ADCY8: variants seen among roughly 807,000 people sequenced by gnomAD.
ADCY8 encodes adenylate cyclase type 8.
A neutral mutation model predicts 119.7 loss-of-function variants in ADCY8; 51 were observed. The ratio of observed to expected loss-of-function variants is 0.43; its 90% CI spans 0.34 to 0.54. ADCY8 has a LOEUF of 0.54. Among genes scored for constraint, ADCY8 ranks in the 20% least tolerant of loss-of-function variants. The probability of loss-of-function intolerance (pLI) is 0.03; values close to 1 mark genes in which losing one functional copy is unlikely to be tolerated. For synonymous variants in ADCY8, 665 were observed against 651.0 expected, an observed-to-expected ratio of 1.02 and a Z score of -0.33; for missense variants, 1,383 against 1,598.8, an observed-to-expected ratio of 0.87 and a Z score of 2.30.
chr8:130,837,569 A>C (rs1416881201), intron 11 of ADCY8, among the ~76,000 whole-genome samples: 3 of 152,218 alleles, frequency 2.0e-5, no homozygotes, highest in Non-Finnish European at 4.4e-5. Flanking sequence ...CAAGAGCTGG[A>C]ATATTAGAGT....
intron 5 of ADCY8, among the ~76,000 whole-genome samples, chr8:130,911,658 T>G (rs983310131): frequency 5.7e-4 from 87 of 151,362 alleles, no homozygotes; most frequent in African/African-American, 2.0e-3. Context: ...AATTGGATAC[T>G]GTAAATTAAA....
intron 8 of ADCY8, among the ~76,000 whole-genome samples, chr8:130,878,237 G>A (rs1051366103): frequency 6.6e-6 from 1 of 152,090 alleles, no homozygotes; most frequent in South Asian, 2.1e-4. Context: ...ACTGGTGAGC[G>A]AAATGAGGAT....
chr8:130,800,588 C>T lies in ADCY8; in HGVS notation c.2914-16G>A, dbSNP rs1378431587. The T allele has an allele frequency of 6.2e-7, 1 of 1,613,190 alleles. No individual in the cohort carries two copies. Among genetic ancestry groups the T allele is most frequent in the Non-Finnish European group, 8.5e-7 (1 of 1,179,240 alleles). On this transcript the variant is annotated splice_polypyrimidine_tract_variant and intron_variant, in intron 14 of 17. Coordinates refer to ENST00000286355, the MANE Select transcript of ADCY8 (RefSeq NM_001115.3). ...AATACAGCTCCTGGACAGAGACACA[C>T]AGAGGGCACCAGAAATGGTCATCAG...
intron 15 of ADCY8, among the ~76,000 whole-genome samples, chr8:130,790,210 G>A (rs1815382572): frequency 6.6e-6 from 1 of 152,074 alleles, no homozygotes; most frequent in Non-Finnish European, 1.5e-5. Flanking sequence ...CGGTTCTGTG[G>A]TGTCTTCTAC....
rs1161136558 is a variant in ADCY8 at position 130,992,382 on chromosome 8, CATATATATATATATATATATATAT to C, written c.961-1864_961-1841del. Among the ~76,000 whole-genome samples, 170 of 77,692 alleles carry C rather than the reference CATATATATATATATATATATATAT, an allele frequency of 2.2e-3. 1 individual carries two copies. The highest frequency in any genetic ancestry group is 6.0e-3 in the African/African-American group (112 of 18,534). 51.0% of individuals were successfully genotyped at this position (77,692 alleles called of 152,430 possible). A position where few individuals can be genotyped will look rare whatever the true frequency, so the allele number is the denominator to read the frequency against. On this transcript the variant is annotated intron_variant, in intron 1 of 17. Transcript: ENST00000286355. ...TACATACATGAGCAACTGTATCTGG[CATATATATATATATATATATATAT>C]ATATATATATATATATATATATATT... is the stretch of plus-strand genomic sequence containing the variant.
At position 130,875,681 on chromosome 8, in the gene ADCY8, T is replaced by C. The variant is rs538876223; in HGVS notation, c.2110-7735A>G. Among the ~76,000 whole-genome samples, 3 of 152,350 alleles carry C rather than the reference T, an allele frequency of 2.0e-5. No individual in the cohort carries two copies. In the East Asian group the frequency reaches 5.8e-4, roughly 29 times the overall value. Reference sequence around the variant, plus strand: ...TCATTACAACTCCAATAAAAGTTGATGGGATGAAGTAAGAAACATTTTAGA... The same window carrying C: ...TCATTACAACTCCAATAAAAGTTGACGGGATGAAGTAAGAAACATTTTAGA... On this transcript the variant is annotated intron_variant, in intron 8 of 17. Transcript: ENST00000286355.
chr8:130,824,323 A>G (rs1355269875), intron 12 of ADCY8, among the ~76,000 whole-genome samples: 1 of 152,172 alleles, frequency 6.6e-6, no homozygotes, highest in Non-Finnish European at 1.5e-5. Flanking sequence ...TGTCATATCA[A>G]CAATCAAGAT....
At chr8:130,799,124 A>G (rs1486471363) in intron 15 of ADCY8, among the ~76,000 whole-genome samples, 3 of 152,032 alleles carry the variant, frequency 2.0e-5, no homozygotes, top group Admixed American at 2.0e-4. Flanking sequence ...GGTTTTCAGA[A>G]CCTGGGGGGT....
At chr8:130,832,521 G>A (rs1156302221) in intron 12 of ADCY8, among the ~76,000 whole-genome samples, 2 of 152,046 alleles carry the variant, frequency 1.3e-5, no homozygotes, top group Non-Finnish European at 1.5e-5. Context: ...AGTGACTATC[G>A]ACCTGTAGAT....
At chr8:131,025,372 G>A (rs572621757) in intron 1 of ADCY8, among the ~76,000 whole-genome samples, 5 of 152,178 alleles carry the variant, frequency 3.3e-5, no homozygotes, top group South Asian at 2.1e-4. Context: ...ATGAAATCTC[G>A]TATTCATCAT....
intron 1 of ADCY8, among the ~76,000 whole-genome samples, chr8:130,994,095 T>C (rs1248459697): frequency 1.3e-5 from 2 of 152,238 alleles, no homozygotes; most frequent in Non-Finnish European, 2.9e-5. Context: ...TTGATCAACT[T>C]TCATTGTTCA....
At chr8:130,956,840 G>A (rs756062276) in intron 2 of ADCY8, among the ~76,000 whole-genome samples, 1 of 152,140 alleles carries the variant, frequency 6.6e-6, no homozygotes, top group Non-Finnish European at 1.5e-5. Context: ...TTTGCCTGCT[G>A]CCATTCATGT....
intron 8 of ADCY8, among the ~76,000 whole-genome samples, chr8:130,869,546 C>G (rs1160012019): frequency 7.5e-6 from 1 of 133,166 alleles, no homozygotes; most frequent in Non-Finnish European, 1.5e-5. Context: ...GAGACAGAGT[C>G]TCGCTCTGTC....
chr8:130,868,506 C>A (rs1818210502), intron 8 of ADCY8, among the ~76,000 whole-genome samples: 1 of 152,202 alleles, frequency 6.6e-6, no homozygotes, highest in African/African-American at 2.4e-5. Flanking sequence ...CTGCTCAAGG[C>A]AGCCCTGGGG....
chr8:130,997,620 A>G (rs2130755726), intron 1 of ADCY8, among the ~76,000 whole-genome samples: 1 of 152,338 alleles, frequency 6.6e-6, no homozygotes, highest in Non-Finnish European at 1.5e-5. Flanking sequence ...ATTGGCCAGT[A>G]ACTGACCTCA....
chr8:130,901,083 A>T (rs1819583636), intron 7 of ADCY8, among the ~76,000 whole-genome samples: 1 of 152,164 alleles, frequency 6.6e-6, no homozygotes, highest in Admixed American at 6.6e-5. Flanking sequence ...TAATTCACTT[A>T]TTCAACAAAC....
At chr8:131,004,437 A>G (rs1348478672) in intron 1 of ADCY8, among the ~76,000 whole-genome samples, 1 of 152,042 alleles carries the variant, frequency 6.6e-6, no homozygotes, top group Non-Finnish European at 1.5e-5. Flanking sequence ...ACAATCATCT[A>G]TTTAATTCAT....
intron 14 of ADCY8, among the ~76,000 whole-genome samples, chr8:130,812,463 A>G (rs979013118): frequency 3.3e-5 from 5 of 152,236 alleles, no homozygotes; most frequent in African/African-American, 9.6e-5. Context: ...GTCATACTCA[A>G]TTAGGGTGAG....
chr8:130,922,578 G>T (rs1820345731), intron 5 of ADCY8, among the ~76,000 whole-genome samples: 2 of 151,928 alleles, frequency 1.3e-5, no homozygotes, highest in African/African-American at 4.8e-5. Context: ...TCTTAGTACA[G>T]AACAAAATGA....
Sources: gnomAD v4.1 joint callset for allele counts (sites outside exome capture counted in the v4.1 genomes callset) on GRCh38, gnomAD v4.1.1 for gene constraint, MANE v1.5 for transcripts, NCBI Gene and HGNC (gene_info 2026-07-23, HGNC 2026-07-21) for gene names.